Variants in COBLL1 observed in about 807,000 individuals in gnomAD.
COBLL1 encodes the protein cordon-bleu WH2 repeat protein like 1.
COBLL1 carries 50 observed loss-of-function variants against 94.8 expected under a neutral mutation model. That is an observed-to-expected ratio of 0.53 (90% CI 0.42 to 0.67). The LOEUF is 0.67. Ranked by LOEUF, COBLL1 falls within the 30% of genes least tolerant of loss-of-function variation. The pLI, the probability that COBLL1 is intolerant of heterozygous loss-of-function variation, is 0.00. For synonymous variants in COBLL1, 448 were observed against 473.8 expected, an observed-to-expected ratio of 0.95 and a Z score of 0.71; for missense variants, 1,362 against 1,348.7, an observed-to-expected ratio of 1.01 and a Z score of -0.15.
At chr2:164,741,682 C>T (rs1203562203) in intron 3 of COBLL1, among the ~76,000 whole-genome samples, 1 of 152,066 alleles carries the variant, frequency 6.6e-6, no homozygotes, top group African/African-American at 2.4e-5. Flanking sequence ...AAACATAAAG[C>T]TGACTGATGG....
chr2:164,668,190 C>T (rs985182447), intron 1 of COBLL1, among the ~76,000 whole-genome samples: 7 of 151,860 alleles, frequency 4.6e-5, no homozygotes, highest in African/African-American at 1.2e-4. Context: ...TCATGAACTC[C>T]GGACCTCAGG....
chr2:164,805,197 TAC>T (rs1338214741), intron 2 of COBLL1, among the ~76,000 whole-genome samples: 1 of 149,426 alleles, frequency 6.7e-6, no homozygotes, highest in Non-Finnish European at 1.5e-5. Flanking sequence ...AGCACACACA[TAC>T]AGTTGTCTCT....
At chr2:164,760,921 A>G (rs1037934183) in intron 2 of COBLL1, among the ~76,000 whole-genome samples, 7 of 152,120 alleles carry the variant, frequency 4.6e-5, no homozygotes, top group Admixed American at 3.3e-4. Context: ...ACAGTTTGAA[A>G]CCACCGAACT....
At position 164,743,757 on chromosome 2, in the gene COBLL1, T is replaced by C. The variant is rs1686716319; in HGVS notation, c.160A>G (p.Ile54Val). 4 of 1,613,498 alleles carry C rather than the reference T, an allele frequency of 2.5e-6. No individual in the cohort carries two copies. Among genetic ancestry groups the C allele is most frequent in the Non-Finnish European group, 3.4e-6 (4 of 1,179,734 alleles). Reference sequence around the variant, plus strand: ...ACTGAGAGTTCAACGTCTTTATCTATCATGTTTTCTTTCTGTTCCATGATG... The same window carrying C: ...ACTGAGAGTTCAACGTCTTTATCTACCATGTTTTCTTTCTGTTCCATGATG... ...AFIMEQKENM[I>V]DKDVELSVVL... Residue 54 changes from isoleucine to valine, a missense_variant, in exon 3 of 14, where the codon ATA (isoleucine) becomes GTA (valine). By Grantham distance (29) the Ile-to-Val change is conservative. Transcript: ENST00000652658.
In COBLL1 at chr2:164,728,032, C is replaced by A; in HGVS notation, c.598G>T (p.Asp200Tyr). The change falls in exon 5 of 14, where the codon GAC (aspartate) becomes TAC (tyrosine). Residue 200 changes from aspartate (D) to tyrosine (Y), a missense_variant. Transcript: ENST00000652658. ...AGGTCATTAAGAGATTTTGTCAAGT[C>A]AAGAGGCTCCTGCGATTGATAATCT... ...LKDYQSQEPL[D>Y]LTKSLNDLGL... 1 of 1,613,806 alleles carries A rather than the reference C, an allele frequency of 6.2e-7. No individual in the cohort carries two copies. The highest frequency in any genetic ancestry group is 8.5e-7 in the Non-Finnish European group (1 of 1,179,736).
At chr2:164,665,344 AAGAAAGAAAG>A (rs1691140078) in intron 2 of COBLL1, among the ~76,000 whole-genome samples, 2 of 147,178 alleles carry the variant, frequency 1.4e-5, no homozygotes, top group Admixed American at 6.7e-5. Context: ...AAAAAAAAGA[AAGAAAGAAAG>A]AAAGAAAGAA....
At chr2:164,819,519 C>T (rs770234697) in intron 2 of COBLL1, among the ~76,000 whole-genome samples, 20 of 151,550 alleles carry the variant, frequency 1.3e-4, no homozygotes, top group African/African-American at 3.2e-4. Flanking sequence ...AATTTGACAA[C>T]GTAAAAAAAA....
rs778472560 is a variant in COBLL1, at chr2:164,704,961, G to A, written c.1141C>T (p.Arg381Cys). The change falls in exon 8 of 14, where the codon CGT becomes TGT. Residue 381 changes from arginine (R) to cysteine (C), a missense_variant. Physicochemically the swap from Arg to Cys is radical, Grantham distance 180 (BLOSUM62 -3). Transcript: ENST00000652658. ...IPPHQSDENS[R>C]VTALQPVDGV... Reference sequence around the variant, plus strand: ...GAAACAACCACATTACCAGTCACACGACTATTTTCATCACTTTGATGCGGG... The same window carrying A: ...GAAACAACCACATTACCAGTCACACAACTATTTTCATCACTTTGATGCGGG... 3.8e-6 allele frequency: 6 copies of A among 1,581,196 alleles called. No homozygotes were observed. Among genetic ancestry groups the A allele is most frequent in the Non-Finnish European group, 5.1e-6 (6 of 1,167,352 alleles).
chr2:164,768,144 A>AT (rs946920464), intron 2 of COBLL1, among the ~76,000 whole-genome samples: 34 of 151,648 alleles, frequency 2.2e-4, no homozygotes, highest in African/African-American at 7.7e-4. Context: ...CTGAAACTTG[A>AT]TTTTTTTTTA....
chr2:164,785,889 C>T (rs1688930879), intron 2 of COBLL1, among the ~76,000 whole-genome samples: 1 of 148,790 alleles, frequency 6.7e-6, no homozygotes, highest in Admixed American at 6.7e-5. Flanking sequence ...AAATAAATAG[C>T]TAGAGGAAAT....
rs540942416 is a variant in COBLL1, at chr2:164,718,778, T to C, written c.996+3297A>G. On this transcript the variant is annotated intron_variant, in intron 7 of 13. Transcript: ENST00000652658. ...CATGAATCTGATAAAAGAATGGACA[T>C]CCTTTGGATGGGTAAGTAGAAATGA... Among the ~76,000 whole-genome samples, 169 of 152,282 alleles carry C rather than the reference T, an allele frequency of 1.1e-3. 2 individuals are homozygous for C. The highest frequency in any genetic ancestry group is 6.8e-3 in the Middle Eastern group (2 of 294).
At chr2:164,820,935 T>A (rs1454985959) in intron 2 of COBLL1, among the ~76,000 whole-genome samples, 4 of 152,226 alleles carry the variant, frequency 2.6e-5, no homozygotes, top group Non-Finnish European at 4.4e-5. Flanking sequence ...TCGCCCAGAC[T>A]GGAGTGCAGT....
At chr2:164,781,194 C>G (rs1688707780) in intron 2 of COBLL1, among the ~76,000 whole-genome samples, 1 of 152,166 alleles carries the variant, frequency 6.6e-6, no homozygotes, top group African/African-American at 2.4e-5. Context: ...CATTTATCTT[C>G]TTTACATTGA....
At chr2:164,762,889 G>C (rs1050307135) in intron 2 of COBLL1, among the ~76,000 whole-genome samples, 1 of 151,892 alleles carries the variant, frequency 6.6e-6, no homozygotes, top group East Asian at 1.9e-4. Context: ...GTAGAGACGG[G>C]GTTTCACCAT....
chr2:164,718,633 C>T (rs1409011276), intron 7 of COBLL1, among the ~76,000 whole-genome samples: 4 of 152,040 alleles, frequency 2.6e-5, no homozygotes, highest in Non-Finnish European at 5.9e-5. Flanking sequence ...CTCTTTTTAT[C>T]TTTAGAATAA....
At chr2:164,800,819 T>C (rs894721981) in intron 2 of COBLL1, among the ~76,000 whole-genome samples, 2 of 151,900 alleles carry the variant, frequency 1.3e-5, no homozygotes, top group African/African-American at 4.8e-5. Context: ...ACTGTATGGT[T>C]CTATTTTTAA....
intron 2 of COBLL1, among the ~76,000 whole-genome samples, chr2:164,745,832 A>G (rs1338232289): frequency 6.6e-6 from 1 of 152,198 alleles, no homozygotes; most frequent in African/African-American, 2.4e-5. Context: ...TTGGAATTAA[A>G]TGGTTTGGTA....
At chr2:164,666,173 T>TATCTC (rs1185971121) in intron 1 of COBLL1, among the ~76,000 whole-genome samples, 1 of 152,146 alleles carries the variant, frequency 6.6e-6, no homozygotes, top group African/African-American at 2.4e-5. Context: ...TGAAGTATAG[T>TATCTC]TATACCTCAG....
chr2:164,714,644 G>A (rs539535869), intron 7 of COBLL1, among the ~76,000 whole-genome samples: 87 of 152,160 alleles, frequency 5.7e-4, no homozygotes, highest in African/African-American at 2.1e-3. Context: ...TTATCCCAGG[G>A]ACACCTTAAG....
Sources: gnomAD v4.1 joint callset for allele counts (sites outside exome capture counted in the v4.1 genomes callset) on GRCh38, gnomAD v4.1.1 for gene constraint, MANE v1.5 for transcripts, NCBI Gene and HGNC (gene_info 2026-07-23, HGNC 2026-07-21) for gene names.